Variants in CLIC5 observed in about 807,000 individuals in gnomAD.
CLIC5 encodes CLIC family member 5.
CLIC5 carries 20 observed loss-of-function variants against 24.7 expected under a neutral mutation model. The ratio of observed to expected loss-of-function variants is 0.81; its 90% CI spans 0.57 to 1.18. CLIC5 has a LOEUF of 1.18. Ranked by LOEUF, CLIC5 falls within the 50% of genes most tolerant of loss-of-function variation. CLIC5 has a pLI of 0.00. For synonymous variants in CLIC5, 159 were observed against 135.6 expected, an observed-to-expected ratio of 1.17 and a Z score of -1.20; for missense variants, 341 against 326.1, an observed-to-expected ratio of 1.05 and a Z score of -0.35.
chr6:46,124,925 C>A, the CLIC5 span, among the ~76,000 whole-genome samples: 3 of 152,152 alleles, frequency 2.0e-5, no homozygotes, highest in Non-Finnish European at 4.4e-5. Context: ...AGTCAGGAAA[C>A]AACAGGTACT....
intron 1 of CLIC5, among the ~76,000 whole-genome samples, chr6:46,027,658 A>G (rs1767371933): frequency 6.6e-6 from 1 of 152,228 alleles, no homozygotes; most frequent in Admixed American, 6.5e-5. Context: ...AATTATTCAT[A>G]ATTTCTTCAA....
At chr6:46,066,414 C>A (rs1762444768) in intron 1 of CLIC5, among the ~76,000 whole-genome samples, 2 of 152,030 alleles carry the variant, frequency 1.3e-5, no homozygotes, top group African/African-American at 4.8e-5. Context: ...TGCCATAGAC[C>A]CCACTCTACC....
chr6:46,082,913 A>G (rs755019034), upstream of CLIC5, among the ~76,000 whole-genome samples: 12 of 152,220 alleles, frequency 7.9e-5, no homozygotes, highest in Non-Finnish European at 1.0e-4. Flanking sequence ...TGTAAACCCT[A>G]TATGGCGGCG....
Position 45,891,316 on chromosome 6 carries a change from C to T in CLIC5, c.624-10128G>A, listed in dbSNP as rs554351624. Among the ~76,000 whole-genome samples, 336 of 152,160 alleles carry T rather than the reference C, an allele frequency of 2.2e-3. 7 individuals carry two copies. The highest frequency in any genetic ancestry group is 7.7e-3 in the African/African-American group (320 of 41,494). On this transcript the variant is annotated intron_variant, in intron 6 of 6. Transcript: ENST00000644324. ...TAAATAAGATGTATGCATATACTCC[C>T]ACCAACATACCCTGTATTCTTATTT... is the stretch of plus-strand genomic sequence containing the variant.
intron 1 of CLIC5, among the ~76,000 whole-genome samples, chr6:46,048,845 T>C (rs888948718): frequency 3.9e-5 from 6 of 152,162 alleles, no homozygotes; most frequent in African/African-American, 1.4e-4. Context: ...TGCAGTGGCT[T>C]AGCATCAGAA....
At chr6:45,937,820 T>TA (rs1210370288) in intron 4 of CLIC5, among the ~76,000 whole-genome samples, 4 of 152,170 alleles carry the variant, frequency 2.6e-5, no homozygotes, top group African/African-American at 4.8e-5. Context: ...GCTGGGGACT[T>TA]ACAAGGCTTT....
intron 1 of CLIC5, among the ~76,000 whole-genome samples, chr6:46,034,676 T>C (rs1431109866): frequency 6.6e-6 from 1 of 152,202 alleles, no homozygotes; most frequent in Non-Finnish European, 1.5e-5. Context: ...CCTCAGCCCA[T>C]CTCTTTCTGC....
chr6:46,067,831 C>T (rs1762484618), intron 1 of CLIC5, among the ~76,000 whole-genome samples: 1 of 152,164 alleles, frequency 6.6e-6, no homozygotes, highest in African/African-American at 2.4e-5. Flanking sequence ...CTGGAACTGG[C>T]TGCCCATGTC....
intron 1 of CLIC5, among the ~76,000 whole-genome samples, chr6:45,968,539 T>C (rs1465217367): frequency 6.6e-6 from 1 of 152,154 alleles, no homozygotes; most frequent in East Asian, 1.9e-4. Flanking sequence ...TCTGAAAAAC[T>C]AGCTCACACA....
chr6:45,938,984 C>T (rs976918141), intron 4 of CLIC5, among the ~76,000 whole-genome samples: 1 of 152,068 alleles, frequency 6.6e-6, no homozygotes, highest in African/African-American at 2.4e-5. Flanking sequence ...CTCTGAGGGG[C>T]CATATTCATT....
intron 4 of CLIC5, chr6:45,918,868 G>A (rs115116947): frequency 0.033 from 25,430 of 777,086 alleles, 476 homozygotes; most frequent in Middle Eastern, 0.045. Context: ...CACACAATGA[G>A]GCTATTGAGA....
At chr6:46,072,187 A>C (rs1762623146) in intron 1 of CLIC5, among the ~76,000 whole-genome samples, 2 of 151,732 alleles carry the variant, frequency 1.3e-5, no homozygotes, top group Non-Finnish European at 2.9e-5. Flanking sequence ...CCCCCATAAC[A>C]CAAATTTACC....
In CLIC5 at chr6:46,043,152, A is replaced by G. The variant is rs1364970954; in HGVS notation, c.540+36551T>C. Among the ~76,000 whole-genome samples the G allele has an allele frequency of 7.2e-5, 11 of 152,340 alleles. No homozygotes were observed. In the South Asian group the frequency reaches 2.3e-3, roughly 32 times the overall value. On this transcript the variant is annotated intron_variant, in intron 1 of 5. Coordinates refer to the CLIC5 transcript ENST00000185206. ...AGAGTTGGTTGCAGTTACTAGATGC[A>G]ACAGTGATGATGAGACTATTAACGG...
rs200557082 is a variant in CLIC5, at chr6:46,015,100, C to G, written c.63+380G>C. On this transcript the variant is annotated intron_variant, in intron 1 of 5. Coordinates refer to ENST00000339561, the MANE Select transcript of CLIC5 (RefSeq NM_016929.5). ...TCTCTCCCATTCCTCCCCCTCCTCC[C>G]GTTTTAAAGGAAAGGTTCACGGGTC... 3.3e-5 allele frequency among the ~76,000 whole-genome samples: 5 copies of G among 152,360 alleles called. No homozygotes were observed. In the East Asian group the frequency reaches 7.7e-4, roughly 24 times the overall value.
intron 1 of CLIC5, among the ~76,000 whole-genome samples, chr6:45,962,063 TACACACACACACACACACACAC>T (rs74732121): frequency 1.6e-4 from 24 of 145,512 alleles, no homozygotes; most frequent in Non-Finnish European, 3.2e-4. Context: ...TATATGTACA[TACACACACACACACACACACAC>T]ACACACACAT....
upstream of CLIC5, chr6:46,080,463 G>A: frequency 1.9e-6 from 1 of 527,560 alleles, no homozygotes; most frequent in Non-Finnish European, 3.3e-6. Flanking sequence ...TACACACTCA[G>A]TTAACTCCTT....
At chr6:45,941,675 T>C in intron 3 of CLIC5, 22 bp from the exon 4 acceptor site, 1 of 1,565,570 alleles carries the variant, frequency 6.4e-7, no homozygotes, top group South Asian at 1.1e-5. Flanking sequence ...GATGCAGTGT[T>C]CTGTGAATCA....
rs373031546 is a variant in CLIC5 at position 45,949,339 on chromosome 6, C to G, written c.216G>C (p.Pro72=). 30 of 1,613,760 alleles carry G rather than the reference C, an allele frequency of 1.9e-5. No homozygotes were observed. In the African/African-American group the frequency reaches 3.5e-4, roughly 19 times the overall value. Residue 72 remains proline (P), a synonymous_variant, in exon 3 of 6, where the codon CCG becomes CCC. Coordinates refer to ENST00000339561, the MANE Select transcript of CLIC5 (RefSeq NM_016929.5). ...CGTCCCCGTTGAAGGTCAGGAAGGGCGGGTGCGTGCCGGGGGCTAGGTTGT... is the reference window on the plus strand; with the variant it reads ...CGTCCCCGTTGAAGGTCAGGAAGGGGGGGTGCGTGCCGGGGGCTAGGTTGT... ...DLHNLAPGTH[P]PFLTFNGDVK... is the part of the protein sequence containing the mutation.
intron 1 of CLIC5, among the ~76,000 whole-genome samples, chr6:46,006,022 A>G (rs1399675805): frequency 7.1e-6 from 1 of 140,204 alleles, no homozygotes; most frequent in African/African-American, 2.6e-5. Context: ...ATATACACAC[A>G]TGTATAAATA....
Sources: gnomAD v4.1 joint callset for allele counts (sites outside exome capture counted in the v4.1 genomes callset) on GRCh38, gnomAD v4.1.1 for gene constraint, MANE v1.5 for transcripts, NCBI Gene and HGNC (gene_info 2026-07-23, HGNC 2026-07-21) for gene names.